KRCC1: variants seen among roughly 807,000 people sequenced by gnomAD.
The protein encoded by KRCC1 is lysine rich coiled-coil 1.
KRCC1 carries 3 observed loss-of-function variants against 7.4 expected under a neutral mutation model. That is an observed-to-expected ratio of 0.40 (90% CI 0.18 to 1.04). The LOEUF (loss-of-function observed/expected upper bound fraction) is 1.04, where lower values mean the gene tolerates loss of function less well. Ranked by LOEUF, KRCC1 falls within the 50% of genes least tolerant of loss-of-function variation. The probability of loss-of-function intolerance (pLI) is 0.33; values close to 1 mark genes in which losing one functional copy is unlikely to be tolerated. For synonymous variants in KRCC1, 102 were observed against 101.6 expected (o/e 1.00, Z -0.02); for missense variants, 277 against 300.9 (o/e 0.92, Z 0.59).
At chr2:88,052,850 T>A (rs1488776429) in intron 1 of KRCC1, among the ~76,000 whole-genome samples, 1 of 152,228 alleles carries the variant, frequency 6.6e-6, no homozygotes, top group Non-Finnish European at 1.5e-5. Context: ...CAAAGTGTTG[T>A]CATGTTTTTG....
intron 1 of KRCC1, among the ~76,000 whole-genome samples, chr2:88,047,437 TA>T (rs1344584002): frequency 3.9e-5 from 6 of 152,170 alleles, no homozygotes; most frequent in African/African-American, 1.4e-4. Context: ...GTTTGATGAA[TA>T]AATCAACTGA....
chr2:88,038,496 T>C (rs1258577962), intron 1 of KRCC1, among the ~76,000 whole-genome samples: 1 of 152,230 alleles, frequency 6.6e-6, no homozygotes, highest in Non-Finnish European at 1.5e-5. Context: ...CTGTGTGAGG[T>C]GATCTTGTGA....
chr2:88,030,819 A>G (rs1672977535), intron 3 of KRCC1, among the ~76,000 whole-genome samples: 1 of 152,248 alleles, frequency 6.6e-6, no homozygotes, highest in African/African-American at 2.4e-5. Flanking sequence ...AAGGAGATAC[A>G]GTCATGCACT....
At chr2:88,042,530 G>A (rs1673235323) in intron 1 of KRCC1, among the ~76,000 whole-genome samples, 1 of 150,912 alleles carries the variant, frequency 6.6e-6, no homozygotes, top group Admixed American at 6.7e-5. Flanking sequence ...TGATCCTCTC[G>A]CCTCAGCCAC....
At chr2:88,048,215 T>G in intron 1 of KRCC1, among the ~76,000 whole-genome samples, 1 of 152,030 alleles carries the variant, frequency 6.6e-6, no homozygotes, top group Admixed American at 6.6e-5. Context: ...CCTGAGTAGC[T>G]GGGATTACAG....
At chr2:88,051,420 G>A (rs982369873) in intron 1 of KRCC1, among the ~76,000 whole-genome samples, 2 of 152,158 alleles carry the variant, frequency 1.3e-5, no homozygotes, top group African/African-American at 4.8e-5. Context: ...GATACCTTTG[G>A]AGGAATCTGC....
chr2:88,047,491 G>A (rs552645624), intron 1 of KRCC1, among the ~76,000 whole-genome samples: 3 of 152,178 alleles, frequency 2.0e-5, no homozygotes, highest in Non-Finnish European at 2.9e-5. Context: ...GCCTCACAGC[G>A]TGACCTGTTG....
rs562888078 is a variant in KRCC1 at position 88,042,946 on chromosome 2, T to G, written c.-290-5895A>C. 8.5e-5 allele frequency among the ~76,000 whole-genome samples: 13 copies of G among 152,342 alleles called. No homozygotes were observed. The East Asian group carries it at 2.1e-3, about 25-fold the overall frequency. On this transcript the variant is annotated intron_variant, in intron 1 of 3. Coordinates refer to ENST00000347055, the MANE Select transcript of KRCC1 (RefSeq NM_016618.3). ...TCTATGGGTTTAATTAGAAAGATAT[T>G]AATAACTTGATAACATCTGAGTTTA...
chr2:88,033,897 C>T (rs527960813), intron 3 of KRCC1, among the ~76,000 whole-genome samples: 1 of 152,184 alleles, frequency 6.6e-6, no homozygotes, highest in Non-Finnish European at 1.5e-5. Flanking sequence ...TTCACAGCAG[C>T]ACTATTCATT....
intron 1 of KRCC1, among the ~76,000 whole-genome samples, chr2:88,050,576 T>C (rs1309192935): frequency 6.6e-6 from 1 of 152,156 alleles, no homozygotes; most frequent in African/African-American, 2.4e-5. Flanking sequence ...TGAGCCAAGA[T>C]TGTACCACTG....
At chr2:88,050,235 T>C (rs1673442919) in intron 1 of KRCC1, among the ~76,000 whole-genome samples, 4 of 152,260 alleles carry the variant, frequency 2.6e-5, no homozygotes. Context: ...AAAATATTTT[T>C]AGGCAATTAC....
At chr2:88,042,952 C>T (rs1673246471) in intron 1 of KRCC1, among the ~76,000 whole-genome samples, 1 of 152,180 alleles carries the variant, frequency 6.6e-6, no homozygotes, top group East Asian at 1.9e-4. Flanking sequence ...ATATTAATAA[C>T]TTGATAACAT....
chr2:88,049,837 A>C (rs1361946585), intron 1 of KRCC1, among the ~76,000 whole-genome samples: 2 of 152,260 alleles, frequency 1.3e-5, no homozygotes, highest in African/African-American at 2.4e-5. Context: ...GACACACTCT[A>C]ATCATTCTTC....
In KRCC1 at chr2:88,028,268, T is replaced by C; in HGVS notation, c.296A>G (p.Asp99Gly). The C allele has an allele frequency of 6.2e-7, 1 of 1,614,040 alleles. No homozygotes were observed. Among genetic ancestry groups the C allele is most frequent in the Non-Finnish European group, 8.5e-7 (1 of 1,180,004 alleles). Residue 99 changes from aspartate to glycine, a missense_variant, in exon 4 of 4, where the codon GAC becomes GGC. Physicochemically the swap from Asp to Gly is moderately conservative, Grantham distance 94 (BLOSUM62 -1). Transcript: ENST00000347055. ...LPAHDSRLRL[D>G]SLSYCQFTRD... Reference sequence around the variant, plus strand: ...CGTGAACTGACAGTAGCTCAGAGAGTCTAGTCTCAATCTGCTGTCATGGGC... The same window carrying C: ...CGTGAACTGACAGTAGCTCAGAGAGCCTAGTCTCAATCTGCTGTCATGGGC...
intron 3 of KRCC1, among the ~76,000 whole-genome samples, chr2:88,029,854 AT>A (rs11334245): frequency 0.014 from 1,954 of 138,332 alleles, 30 homozygotes; most frequent in East Asian, 0.028. Flanking sequence ...ATATATATAT[AT>A]TTTTTTTTTT....
At chr2:88,042,731 A>T (rs1286903027) in intron 1 of KRCC1, among the ~76,000 whole-genome samples, 10 of 152,144 alleles carry the variant, frequency 6.6e-5, no homozygotes, top group African/African-American at 2.4e-4. Flanking sequence ...AGAATTTTTT[A>T]AAATTCAAAT....
intron 1 of KRCC1, among the ~76,000 whole-genome samples, chr2:88,052,823 T>C (rs981255283): frequency 3.3e-5 from 5 of 152,240 alleles, no homozygotes; most frequent in African/African-American, 1.2e-4. Flanking sequence ...TTGCCTTTCA[T>C]TGCGTGAAAT....
intron 3 of KRCC1, among the ~76,000 whole-genome samples, chr2:88,031,353 T>C (rs1573074101): frequency 6.6e-6 from 1 of 151,298 alleles, no homozygotes; most frequent in Non-Finnish European, 1.5e-5. Flanking sequence ...CCAGGTGTGG[T>C]GGCCCATGCC....
Position 88,028,300 on chromosome 2 carries a change from C to G in KRCC1, c.264G>C (p.Trp88Cys). 1.9e-6 allele frequency: 3 copies of G among 1,614,200 alleles called. No individual in the cohort carries two copies. The highest frequency in any genetic ancestry group is 1.7e-6 in the Non-Finnish European group (2 of 1,180,050). Residue 88 changes from tryptophan (W) to cysteine (C), a missense_variant, in exon 4 of 4, where the codon TGG (tryptophan) becomes TGC (cysteine). Trp to Cys is a radical substitution (Grantham distance 215). Transcript: ENST00000347055. The stretch of plus-strand genomic sequence containing the variant: ...TCAATCTGCTGTCATGGGCTGGTAA[C>G]CACTGAGGCAACCGATTTTCCACTG... ...PQTVENRLPQ[W>C]LPAHDSRLRL...
Sources: gnomAD v4.1 joint callset for allele counts (sites outside exome capture counted in the v4.1 genomes callset) on GRCh38, gnomAD v4.1.1 for gene constraint, MANE v1.5 for transcripts, NCBI Gene and HGNC (gene_info 2026-07-23, HGNC 2026-07-21) for gene names.